The following SVOP variants were observed in gnomAD, a reference collection of about 807,000 sequenced individuals.
SVOP encodes SV2 related protein.
Under a neutral mutation model 69.1 loss-of-function variants are expected in SVOP, and 17 were observed. The ratio of observed to expected loss-of-function variants is 0.25; its 90% CI spans 0.17 to 0.37. The LOEUF is 0.37. SVOP is among the 10% of genes least tolerant of loss of function. The probability of loss-of-function intolerance (pLI) is 1.00; values close to 1 mark genes in which losing one functional copy is unlikely to be tolerated. For missense variants in SVOP, 435 were observed against 597.5 expected (o/e 0.73, Z 2.84); for synonymous variants, 238 against 238.6 (o/e 1.00, Z 0.02).
intron 5 of SVOP, among the ~76,000 whole-genome samples, chr12:108,968,211 ATT>A (rs2040056704): frequency 6.6e-6 from 1 of 152,236 alleles, no homozygotes; most frequent in African/African-American, 2.4e-5. Context: ...CTCAAGAAGT[ATT>A]TATTGAGTGT....
chr12:108,931,995 G>A (rs149501426), intron 11 of SVOP, among the ~76,000 whole-genome samples: 4 of 152,128 alleles, frequency 2.6e-5, no homozygotes, highest in East Asian at 1.9e-4. Flanking sequence ...GGGGATTTGC[G>A]ATGATAATTT....
At chr12:108,971,152 A>G (rs1230545523) in intron 5 of SVOP, among the ~76,000 whole-genome samples, 1 of 151,878 alleles carries the variant, frequency 6.6e-6, no homozygotes, top group African/African-American at 2.4e-5. Flanking sequence ...AATTTGGCTG[A>G]GCACAGTGGC....
intron 11 of SVOP, among the ~76,000 whole-genome samples, chr12:108,925,766 A>G (rs4612861): frequency 0.03 from 4,516 of 151,996 alleles, 202 homozygotes; most frequent in African/African-American, 0.1. Flanking sequence ...GCACTGGCTG[A>G]TCTCTCTTCC....
chr12:109,015,406 C>A (rs1026833716), intron 1 of SVOP, among the ~76,000 whole-genome samples: 1 of 152,158 alleles, frequency 6.6e-6, no homozygotes, highest in East Asian at 1.9e-4. Flanking sequence ...GACATCATTG[C>A]AATCAATCCC....
intron 6 of SVOP, among the ~76,000 whole-genome samples, chr12:108,956,947 T>C (rs1396377577): frequency 6.6e-6 from 1 of 152,206 alleles, no homozygotes; most frequent in Non-Finnish European, 1.5e-5. Context: ...AATACCCACT[T>C]AAGTCTATTG....
intron 3 of SVOP, 187 bp downstream of exon 3, chr12:108,978,391 A>C: frequency 1.8e-6 from 1 of 544,008 alleles, no homozygotes; most frequent in East Asian, 3.1e-5. Flanking sequence ...TGCCAAACAC[A>C]CCCAGCTCTC....
intron 1 of SVOP, among the ~76,000 whole-genome samples, chr12:108,984,984 T>C (rs1427118991): frequency 1.3e-5 from 2 of 152,128 alleles, no homozygotes; most frequent in Non-Finnish European, 2.9e-5. Flanking sequence ...CCCAGCACTT[T>C]GGGAGGCTGA....
intron 2 of SVOP, 117 bp downstream of exon 2, chr12:108,983,484 C>A (rs995233499): frequency 2.0e-5 from 8 of 398,030 alleles, no homozygotes; most frequent in Admixed American, 8.8e-5. Flanking sequence ...CAGCTCCACC[C>A]CTTGGCCCCC....
intron 11 of SVOP, among the ~76,000 whole-genome samples, chr12:108,929,510 T>A (rs571696283): frequency 5.1e-4 from 77 of 152,256 alleles, no homozygotes; most frequent in Non-Finnish European, 9.1e-4. Context: ...GGTCTCACTA[T>A]GTTGCCCAGG....
At chr12:108,925,334 T>G (rs1022829058) in intron 11 of SVOP, among the ~76,000 whole-genome samples, 4 of 152,116 alleles carry the variant, frequency 2.6e-5, no homozygotes, top group Non-Finnish European at 4.4e-5. Context: ...CGGGGGAGGT[T>G]CGGTTCAGTA....
At chr12:108,948,697 C>T (rs2039937974) in intron 6 of SVOP, among the ~76,000 whole-genome samples, 1 of 152,156 alleles carries the variant, frequency 6.6e-6, no homozygotes, top group African/African-American at 2.4e-5. Flanking sequence ...GAGGGTATGC[C>T]TGTTTTTATG....
intron 1 of SVOP, among the ~76,000 whole-genome samples, chr12:108,985,341 G>A (rs2040161051): frequency 1.3e-5 from 2 of 151,650 alleles, no homozygotes; most frequent in South Asian, 4.2e-4. Flanking sequence ...AGCAAGGAAG[G>A]AAGGAAAGAA....
At chr12:109,004,410 C>CTTTTTTTTTT in intron 1 of SVOP, among the ~76,000 whole-genome samples, 1 of 120,394 alleles carries the variant, frequency 8.3e-6, no homozygotes, top group Non-Finnish European at 1.7e-5. Flanking sequence ...GGTATTGCTA[C>CTTTTTTTTTT]TTTTTTTTTT....
rs1272721003 is a variant in SVOP at position 109,021,030 on chromosome 12, G to C, written c.-162C>G. On this transcript the variant is annotated 5_prime_UTR_variant, in exon 1 of 16. Coordinates refer to ENST00000610966, the MANE Select transcript of SVOP (RefSeq NM_018711.5). ...AGGGAGCCGCTGGGGACCAGCCCAC[G>C]AGACAAAGCCTCCGCCGCCAGGAGA... is the stretch of plus-strand genomic sequence containing the variant. The C allele has an allele frequency of 1.3e-5, 7 of 553,602 alleles. No homozygotes were observed. Among genetic ancestry groups the C allele is most frequent in the Middle Eastern group, 4.7e-4 (1 of 2,124 alleles). The allele number at this position is 553,602 out of a possible 1,614,324, so 34.3% of individuals were successfully genotyped here. A position where few individuals can be genotyped will look rare whatever the true frequency, so the allele number is the denominator to read the frequency against.
intron 12 of SVOP, among the ~76,000 whole-genome samples, chr12:108,921,887 T>C (rs2039750139): frequency 6.6e-6 from 1 of 152,196 alleles, no homozygotes; most frequent in South Asian, 2.1e-4. Context: ...CTGTAAGACA[T>C]TTAACACAGG....
intron 1 of SVOP, among the ~76,000 whole-genome samples, chr12:108,987,805 C>T (rs2040174039): frequency 6.6e-6 from 1 of 152,154 alleles, no homozygotes; most frequent in African/African-American, 2.4e-5. Context: ...TTGACTTGTA[C>T]TTCTTTCTGT....
chr12:108,925,180 C>T (rs188239958), intron 11 of SVOP, among the ~76,000 whole-genome samples: 53 of 152,324 alleles, frequency 3.5e-4, no homozygotes, highest in Non-Finnish European at 3.5e-4. Flanking sequence ...GTACCCCTGC[C>T]TTTAAAAATC....
At chr12:108,971,948 G>A (rs1018816346) in intron 5 of SVOP, among the ~76,000 whole-genome samples, 9 of 152,020 alleles carry the variant, frequency 5.9e-5, no homozygotes, top group African/African-American at 2.2e-4. Context: ...CAGCTGCTTG[G>A]AGGGCTAAGG....
chr12:109,003,014 T>TA (rs369150628), intron 1 of SVOP, among the ~76,000 whole-genome samples: 141,967 of 150,334 alleles, frequency 0.94, 67,527 homozygotes, highest in Non-Finnish European at 1. Flanking sequence ...AAAATAAAAA[T>TA]AAAAAAACAA....
Sources: gnomAD v4.1 joint callset for allele counts (sites outside exome capture counted in the v4.1 genomes callset) on GRCh38, gnomAD v4.1.1 for gene constraint, MANE v1.5 for transcripts, NCBI Gene and HGNC (gene_info 2026-07-23, HGNC 2026-07-21) for gene names.